TBC1D5: variants seen among roughly 807,000 people sequenced by gnomAD.
TBC1D5 encodes the protein TBC1 domain family member 5.
A neutral mutation model predicts 100.3 loss-of-function variants in TBC1D5; 75 were observed. The observed-to-expected ratio is 0.75, with a 90% CI of 0.62 to 0.91. The LOEUF (loss-of-function observed/expected upper bound fraction) is 0.91, where lower values mean the gene tolerates loss of function less well. TBC1D5 is among the 40% of genes least tolerant of loss of function. The pLI is 0.00. For synonymous variants in TBC1D5, 323 were observed against 325.6 expected (o/e 0.99, Z 0.09); for missense variants, 910 against 942.4 (o/e 0.97, Z 0.45).
At chr3:17,248,360 C>T (rs148667726) in intron 16 of TBC1D5, among the ~76,000 whole-genome samples, 94 of 152,328 alleles carry the variant, frequency 6.2e-4, no homozygotes, top group African/African-American at 2.2e-3. Flanking sequence ...CAACTTCTTT[C>T]AAACTCTTGT....
At chr3:17,177,996 T>C (rs1020172784) in intron 19 of TBC1D5, among the ~76,000 whole-genome samples, 3 of 152,110 alleles carry the variant, frequency 2.0e-5, no homozygotes, top group African/African-American at 7.2e-5. Flanking sequence ...GCTTATTTAA[T>C]ATAATGACCT....
chr3:17,298,954 C>A (rs560400042), intron 14 of TBC1D5, among the ~76,000 whole-genome samples: 1 of 152,092 alleles, frequency 6.6e-6, no homozygotes. Context: ...CAGCCCTATA[C>A]GTACTATGCT....
intron 1 of TBC1D5, among the ~76,000 whole-genome samples, chr3:17,650,263 C>T (rs982358471): frequency 6.6e-6 from 1 of 151,542 alleles, no homozygotes; most frequent in Admixed American, 6.6e-5. Flanking sequence ...GCACATCCTG[C>T]ACATGTACCC....
chr3:17,506,044 T>C (rs918198363), intron 3 of TBC1D5, among the ~76,000 whole-genome samples: 1 of 152,216 alleles, frequency 6.6e-6, no homozygotes, highest in African/African-American at 2.4e-5. Flanking sequence ...GGCAAAGCAC[T>C]AAAGTGCAGT....
At chr3:17,287,551 C>A (rs1251916341) in intron 15 of TBC1D5, among the ~76,000 whole-genome samples, 1 of 152,174 alleles carries the variant, frequency 6.6e-6, no homozygotes, top group Non-Finnish European at 1.5e-5. Context: ...GGGAAAGCCA[C>A]ATAAACTTAA....
intron 1 of TBC1D5, among the ~76,000 whole-genome samples, chr3:17,726,361 C>T (rs1356952406): frequency 1.3e-5 from 2 of 152,136 alleles, no homozygotes; most frequent in African/African-American, 4.8e-5. Context: ...TCTATAAAAC[C>T]TCACCAGCAT....
chr3:17,613,970 G>A (rs1428010651), intron 2 of TBC1D5, among the ~76,000 whole-genome samples: 1 of 152,152 alleles, frequency 6.6e-6, no homozygotes, highest in African/African-American at 2.4e-5. Context: ...CCATACCTAT[G>A]TCCTGAATGG....
intron 2 of TBC1D5, among the ~76,000 whole-genome samples, chr3:17,586,014 G>T (rs1464783135): frequency 6.6e-6 from 1 of 152,122 alleles, no homozygotes; most frequent in Non-Finnish European, 1.5e-5. Flanking sequence ...GATACAAAAA[G>T]ATTCCCTAAG....
At chr3:17,454,932 GACA>G (rs371296696) in intron 3 of TBC1D5, among the ~76,000 whole-genome samples, 5 of 151,454 alleles carry the variant, frequency 3.3e-5, no homozygotes, top group East Asian at 1.9e-4. Flanking sequence ...AACTGAAGAG[GACA>G]ACAACAACAA....
At chr3:17,617,231 A>G in intron 2 of TBC1D5, among the ~76,000 whole-genome samples, 1 of 152,220 alleles carries the variant, frequency 6.6e-6, no homozygotes. Context: ...TCTGGCTTAT[A>G]GGGTTTCTGC....
chr3:17,282,719 A>G (rs1021148018), intron 15 of TBC1D5, among the ~76,000 whole-genome samples: 4 of 152,248 alleles, frequency 2.6e-5, no homozygotes, highest in African/African-American at 9.6e-5. Context: ...TTCAGCAAAT[A>G]TTGTTGCCAT....
intron 2 of TBC1D5, among the ~76,000 whole-genome samples, chr3:17,528,903 T>C (rs1010653845): frequency 6.6e-6 from 1 of 152,250 alleles, no homozygotes; most frequent in Non-Finnish European, 1.5e-5. Context: ...ATATGTCTTT[T>C]AGTCTCGAAC....
chr3:17,658,137 G>C, intron 1 of TBC1D5, among the ~76,000 whole-genome samples: 1 of 152,132 alleles, frequency 6.6e-6, no homozygotes, highest in East Asian at 1.9e-4. Flanking sequence ...ACATCATCTA[G>C]TTTTGTATAA....
chr3:17,181,916 A>G (rs906503226), intron 19 of TBC1D5, among the ~76,000 whole-genome samples: 2 of 152,160 alleles, frequency 1.3e-5, no homozygotes, highest in African/African-American at 2.4e-5. Context: ...GAATTATATT[A>G]TACTATATTA....
chr3:17,289,556 C>T (rs1298303527), intron 15 of TBC1D5, among the ~76,000 whole-genome samples: 1 of 151,764 alleles, frequency 6.6e-6, no homozygotes, highest in Admixed American at 6.6e-5. Flanking sequence ...ATCGCTTGAA[C>T]CTGGGAGGCG....
At chr3:17,331,081 C>T (rs1439508857) in intron 13 of TBC1D5, among the ~76,000 whole-genome samples, 2 of 152,134 alleles carry the variant, frequency 1.3e-5, no homozygotes, top group Non-Finnish European at 2.9e-5. Context: ...TCATACTACA[C>T]CCTTAATGTG....
chr3:17,248,082 C>G (rs1425805471), intron 16 of TBC1D5, among the ~76,000 whole-genome samples: 1 of 151,830 alleles, frequency 6.6e-6, no homozygotes, highest in Non-Finnish European at 1.5e-5. Flanking sequence ...ACCTCTGCCT[C>G]CCGGGTTCAA....
At chr3:17,558,255 A>T (rs141595030) in intron 2 of TBC1D5, among the ~76,000 whole-genome samples, 1 of 152,294 alleles carries the variant, frequency 6.6e-6, no homozygotes, top group Admixed American at 6.5e-5. Context: ...TTAAGGTGCA[A>T]TGTGACTTTA....
At chr3:17,614,741 G>A (rs1213448094) in intron 2 of TBC1D5, among the ~76,000 whole-genome samples, 1 of 152,176 alleles carries the variant, frequency 6.6e-6, no homozygotes, top group Non-Finnish European at 1.5e-5. Flanking sequence ...TTTGTATCCT[G>A]AGACTTTGTT....
Sources: allele counts gnomAD v4.1 joint callset (sites outside exome capture counted in the v4.1 genomes callset), GRCh38; gene constraint gnomAD v4.1.1; transcripts MANE v1.5; gene names NCBI Gene and HGNC (gene_info 2026-07-23, HGNC 2026-07-21).